The following FAM118B variants were observed in gnomAD, a reference collection of about 807,000 sequenced individuals.
FAM118B encodes the protein SIR2 antiphage like 1, also known as protein FAM118B.
A neutral mutation model predicts 38.5 loss-of-function variants in FAM118B; 24 were observed. The observed-to-expected ratio is 0.62, with a 90% CI of 0.45 to 0.88. The LOEUF (loss-of-function observed/expected upper bound fraction) is 0.88. Ranked by LOEUF, FAM118B falls within the 40% of genes least tolerant of loss-of-function variation. The pLI, the probability that FAM118B is intolerant of heterozygous loss-of-function variation, is 0.00. For missense variants in FAM118B, 334 were observed against 420.0 expected, an observed-to-expected ratio of 0.80 and a Z score of 1.79; for synonymous variants, 138 against 156.3, an observed-to-expected ratio of 0.88 and a Z score of 0.87.
chr11:126,219,303 G>A (rs568671341), intron 1 of FAM118B, among the ~76,000 whole-genome samples: 16 of 103,614 alleles, frequency 1.5e-4, no homozygotes, highest in Admixed American at 6.5e-4. Context: ...CAGATTTCTT[G>A]TTTTCCTCGT....
intron 3 of FAM118B, among the ~76,000 whole-genome samples, chr11:126,236,105 G>C (rs186868327): frequency 4.6e-5 from 7 of 152,282 alleles, no homozygotes; most frequent in African/African-American, 1.7e-4. Context: ...CTCCAGTCCT[G>C]TTGCGTTCCT....
chr11:126,232,678 TAA>T (rs1216317984), intron 2 of FAM118B, among the ~76,000 whole-genome samples: 7 of 151,780 alleles, frequency 4.6e-5, no homozygotes, highest in Non-Finnish European at 1.5e-5. Context: ...TATATTTTTT[TAA>T]GTTTTTTAAA....
rs143398560 is a variant in FAM118B, at chr11:126,236,846, G to A, written c.86+1759G>A. Among the ~76,000 whole-genome samples, 29 of 139,316 alleles carry A rather than the reference G, an allele frequency of 2.1e-4. 1 individual carries two copies. The highest frequency in any genetic ancestry group is 1.6e-3 in the Admixed American group (23 of 13,958). 91.4% of individuals were successfully genotyped at this position (139,316 alleles called of 152,430 possible). A position where few individuals can be genotyped will look rare whatever the true frequency, so the allele number is the denominator to read the frequency against. On this transcript the variant is annotated intron_variant, in intron 3 of 8. Coordinates refer to ENST00000533050, the MANE Select transcript of FAM118B (RefSeq NM_024556.4). ...TTGTGGATTTAAAAATTTCTGTTGC[G>A]TTATTTTTGATTTATGAAGTCTTTT...
At chr11:126,249,731 CAAAAA>C (rs71048775) in intron 4 of FAM118B, among the ~76,000 whole-genome samples, 10 of 79,002 alleles carry the variant, frequency 1.3e-4, no homozygotes, top group East Asian at 7.9e-4. Flanking sequence ...GACTCCGTCT[CAAAAA>C]AAAAAAAAAA....
chr11:126,241,855 T>A, intron 4 of FAM118B, among the ~76,000 whole-genome samples: 1 of 151,758 alleles, frequency 6.6e-6, no homozygotes, highest in East Asian at 2.0e-4. Context: ...CAGCCTGTTT[T>A]AAAATCTTAA....
rs1379622848 is a variant in FAM118B, at chr11:126,262,117, C to T, written c.1043-3C>T. The T allele has an allele frequency of 1.9e-6, 3 of 1,613,928 alleles. No individual in the cohort carries two copies. Among genetic ancestry groups the T allele is most frequent in the African/African-American group, 2.7e-5 (2 of 74,920 alleles). ...TTTTGTTCTCTTTTCTTTCTCCCTA[C>T]AGGCTGTAGTACATGAGCGAGCTAG... is the stretch of plus-strand genomic sequence containing the variant. On this transcript the variant is annotated splice_region_variant and splice_polypyrimidine_tract_variant and intron_variant, in intron 8 of 8. Coordinates refer to ENST00000533050, the MANE Select transcript of FAM118B (RefSeq NM_024556.4).
intron 3 of FAM118B, among the ~76,000 whole-genome samples, chr11:126,238,991 G>A (rs924688421): frequency 1.8e-5 from 2 of 109,384 alleles, no homozygotes; most frequent in Non-Finnish European, 3.9e-5. Flanking sequence ...TTTTTTTTTC[G>A]AGACAAGGTC....
At chr11:126,242,999 C>A (rs144249715) in intron 4 of FAM118B, among the ~76,000 whole-genome samples, 2 of 152,208 alleles carry the variant, frequency 1.3e-5, no homozygotes, top group African/African-American at 4.8e-5. Context: ...AACAAAATGT[C>A]TGTCCATGCA....
In FAM118B at chr11:126,262,380, A is replaced by G. The variant is rs943650055; in HGVS notation, c.*247A>G. 3.6e-6 allele frequency: 2 copies of G among 558,510 alleles called. No homozygotes were observed. Among genetic ancestry groups the G allele is most frequent in the Non-Finnish European group, 6.4e-6 (2 of 314,298 alleles). 34.6% of individuals were successfully genotyped at this position (558,510 alleles called of 1,614,324 possible). On this transcript the variant is annotated 3_prime_UTR_variant, in exon 9 of 9. Coordinates refer to ENST00000533050, the MANE Select transcript of FAM118B (RefSeq NM_024556.4). ...CAGCAGGACCCAAATGCAGCTCCCA[A>G]CCCACTCCCCAGGCTAGACATGCTT... is the stretch of plus-strand genomic sequence containing the variant.
At position 126,256,676 on chromosome 11, in the gene FAM118B, A is replaced by AATCT. The variant is rs1408283574; in HGVS notation, c.807_810dup (p.Asp271IlefsTer2). 1 of 1,614,076 alleles carries AATCT rather than the reference A, an allele frequency of 6.2e-7. No homozygotes were observed. ...CTTTTCTTGGAGGCTGTCAAGCATA[A>AATCT]ATCTGACCTAGAACATTTCATGCTG... is the stretch of plus-strand genomic sequence containing the variant. On this transcript the variant is annotated frameshift_variant, in exon 7 of 9. Transcript: ENST00000533050. LOFTEE classifies it high-confidence loss of function. This position sits in a 1 kb window ranked among gnomAD's most constrained non-coding sequence, Gnocchi z 6.6.
At chr11:126,247,286 C>G (rs1384194759) in intron 4 of FAM118B, among the ~76,000 whole-genome samples, 1 of 152,012 alleles carries the variant, frequency 6.6e-6, no homozygotes, top group Non-Finnish European at 1.5e-5. Context: ...GCCAGACTTT[C>G]TCTCAAAAAA....
In FAM118B at chr11:126,252,733, A is replaced by G. The variant is rs1184721706; in HGVS notation, c.568-1572A>G. ...ACTCCAGCCTGGGTGACAGCATAAG[A>G]TCATGTCTCTAAATAAATAGGCTGG... On this transcript the variant is annotated intron_variant, in intron 5 of 8. Coordinates refer to ENST00000533050, the MANE Select transcript of FAM118B (RefSeq NM_024556.4). This position sits in a 1 kb window ranked among gnomAD's most constrained non-coding sequence, Gnocchi z 4.7. Among the ~76,000 whole-genome samples, 1 of 151,478 alleles carries G rather than the reference A, an allele frequency of 6.6e-6. No homozygotes were observed. Among genetic ancestry groups the G allele is most frequent in the African/African-American group, 2.4e-5 (1 of 41,142 alleles).
At chr11:126,251,857 T>A (rs1421904124) in intron 5 of FAM118B, among the ~76,000 whole-genome samples, 1 of 152,000 alleles carries the variant, frequency 6.6e-6, no homozygotes. Context: ...TAATTTTGTA[T>A]TTTTGGTAGA....
Position 126,255,332 on chromosome 11 carries a change from A to G in FAM118B, c.696+899A>G, listed in dbSNP as rs953529048. 1.3e-5 allele frequency among the ~76,000 whole-genome samples: 2 copies of G among 152,210 alleles called. No homozygotes were observed. The highest frequency in any genetic ancestry group is 6.5e-5 in the Admixed American group (1 of 15,284). On this transcript the variant is annotated intron_variant, in intron 6 of 8. Coordinates refer to ENST00000533050, the MANE Select transcript of FAM118B (RefSeq NM_024556.4). The surrounding 1 kb of genome is among the most constrained non-coding windows in gnomAD (Gnocchi z 4.6). ...CATATAGATTATAGCATCTTTTAAT[A>G]ATGAGGCAAAAGACCGAGAAAATGT...
At chr11:126,239,716 G>C (rs1358611431) in intron 3 of FAM118B, among the ~76,000 whole-genome samples, 1 of 152,150 alleles carries the variant, frequency 6.6e-6, no homozygotes, top group African/African-American at 2.4e-5. Context: ...GTTTCACCAT[G>C]TTGGCCAGGC....
intron 1 of FAM118B, among the ~76,000 whole-genome samples, chr11:126,213,400 G>C (rs1181458399): frequency 1.3e-5 from 2 of 152,166 alleles, no homozygotes; most frequent in African/African-American, 2.4e-5. Flanking sequence ...GGAAACATCT[G>C]TTTCTCCTGT....
chr11:126,215,657 A>T (rs966217661), intron 1 of FAM118B, among the ~76,000 whole-genome samples: 3 of 143,148 alleles, frequency 2.1e-5, no homozygotes, highest in African/African-American at 7.8e-5. Context: ...AGATCGCGCC[A>T]CTGCATTCCA....
chr11:126,236,176 G>A (rs79523709), intron 3 of FAM118B, among the ~76,000 whole-genome samples: 6 of 152,074 alleles, frequency 3.9e-5, no homozygotes, highest in African/African-American at 9.7e-5. Context: ...CTCCTGTATC[G>A]ATTCTCTGTT....
rs563768029 is a variant in FAM118B at position 126,252,267 on chromosome 11, A to G, written c.567+1534A>G. Among the ~76,000 whole-genome samples, 9 of 152,296 alleles carry G rather than the reference A, an allele frequency of 5.9e-5. 1 individual carries two copies. Among genetic ancestry groups the G allele is most frequent in the Non-Finnish European group, 1.0e-4 (7 of 68,026 alleles). On this transcript the variant is annotated intron_variant, in intron 5 of 8. Coordinates refer to ENST00000533050, the MANE Select transcript of FAM118B (RefSeq NM_024556.4). This position sits in a 1 kb window ranked among gnomAD's most constrained non-coding sequence, Gnocchi z 4.7. The stretch of plus-strand genomic sequence containing the variant: ...CTCCCAAAGTGCTGGGATTACAGGC[A>G]TGAGCCACCACACCCAGCACAGTTT...
Sources: gnomAD v4.1 joint callset for allele counts (sites outside exome capture counted in the v4.1 genomes callset) on GRCh38, gnomAD v4.1.1 for gene constraint, Gnocchi (gnomAD v3.1) non-coding constraint, MANE v1.5 for transcripts, NCBI Gene and HGNC (gene_info 2026-07-23, HGNC 2026-07-21) for gene names.